Variants in RABEP1 observed in about 807,000 individuals in gnomAD.
RABEP1 encodes the protein rabaptin, RAB GTPase binding effector protein 1.
A neutral mutation model predicts 123.4 loss-of-function variants in RABEP1; 51 were observed. That is an observed-to-expected ratio of 0.41 (90% CI 0.33 to 0.52). RABEP1 has a LOEUF of 0.52. Ranked by LOEUF, RABEP1 falls within the 20% of genes least tolerant of loss-of-function variation. The pLI, the probability that RABEP1 is intolerant of heterozygous loss-of-function variation, is 0.16. For synonymous variants in RABEP1, 347 were observed against 355.2 expected (o/e 0.98, Z 0.26); for missense variants, 888 against 996.3 (o/e 0.89, Z 1.46).
At chr17:5,307,633 C>G (rs1185289628) in intron 1 of RABEP1, among the ~76,000 whole-genome samples, 6 of 152,068 alleles carry the variant, frequency 3.9e-5, no homozygotes, top group Non-Finnish European at 5.9e-5. Context: ...GCTGTTGGGG[C>G]AAAAGGGGAG....
chr17:5,360,446 C>T (rs1909409564), intron 8 of RABEP1, among the ~76,000 whole-genome samples: 1 of 152,212 alleles, frequency 6.6e-6, no homozygotes, highest in South Asian at 2.1e-4. Context: ...CCTGTAGTCC[C>T]AGCTACTTGG....
chr17:5,283,029 T>C (rs1173036302), intron 1 of RABEP1, among the ~76,000 whole-genome samples: 1 of 152,108 alleles, frequency 6.6e-6, no homozygotes, highest in African/African-American at 2.4e-5. Context: ...AATGGCAGTG[T>C]GGCTTAATGG....
rs576891717 is a variant in RABEP1, at chr17:5,383,504, T to G, written c.*281T>G. Reference sequence around the variant, plus strand: ...TGGTGATGGAAAAAGCGCTGTTTCCTTGCCTGCTTTCTCCAAGACAGATTT... The same window carrying G: ...TGGTGATGGAAAAAGCGCTGTTTCCGTGCCTGCTTTCTCCAAGACAGATTT... On this transcript the variant is annotated 3_prime_UTR_variant, in exon 18 of 18. Coordinates refer to ENST00000537505, the MANE Select transcript of RABEP1 (RefSeq NM_004703.6). 12 of 386,740 alleles carry G rather than the reference T, an allele frequency of 3.1e-5. No individual in the cohort carries two copies. The highest frequency in any genetic ancestry group is 2.4e-4 in the African/African-American group (12 of 49,978). 24.0% of individuals were successfully genotyped at this position (386,740 alleles called of 1,614,324 possible).
chr17:5,358,492 G>A (rs1236260840), intron 8 of RABEP1, among the ~76,000 whole-genome samples: 3 of 151,978 alleles, frequency 2.0e-5, no homozygotes, highest in East Asian at 3.9e-4. Flanking sequence ...CCAACATGGC[G>A]GAACTCATCC....
chr17:5,294,287 G>A (rs1041865751), intron 1 of RABEP1, among the ~76,000 whole-genome samples: 1 of 152,160 alleles, frequency 6.6e-6, no homozygotes, highest in African/African-American at 2.4e-5. Flanking sequence ...AGGAGGCTGA[G>A]GCAGGAGAAC....
At chr17:5,309,075 T>C (rs750643295) in intron 2 of RABEP1, among the ~76,000 whole-genome samples, 3 of 152,232 alleles carry the variant, frequency 2.0e-5, no homozygotes, top group Non-Finnish European at 2.9e-5. Flanking sequence ...GATAAGAGAA[T>C]GTTATTGCTC....
At chr17:5,316,937 C>A (rs771326352) in intron 2 of RABEP1, among the ~76,000 whole-genome samples, 2 of 150,978 alleles carry the variant, frequency 1.3e-5, no homozygotes, top group East Asian at 3.9e-4. Context: ...TGAAGTCTTG[C>A]TCTGTCACCC....
intron 8 of RABEP1, among the ~76,000 whole-genome samples, chr17:5,357,840 C>T (rs1393025467): frequency 2.0e-5 from 3 of 152,086 alleles, no homozygotes; most frequent in Admixed American, 6.6e-5. Flanking sequence ...GGAGCAGGAG[C>T]GAGAGAAAAG....
At chr17:5,313,321 A>G (rs2075263541) in intron 2 of RABEP1, among the ~76,000 whole-genome samples, 2 of 152,192 alleles carry the variant, frequency 1.3e-5, no homozygotes. Context: ...CAGCAGTATG[A>G]TGCTGGCTAA....
At chr17:5,339,860 C>G (rs187888612) in intron 5 of RABEP1, among the ~76,000 whole-genome samples, 1 of 151,816 alleles carries the variant, frequency 6.6e-6, no homozygotes, top group Non-Finnish European at 1.5e-5. Flanking sequence ...CATGTAAATT[C>G]GAACCAAAAG....
chr17:5,308,927 T>G (rs2075208300), intron 2 of RABEP1, 105 bp downstream of exon 2: 2 of 1,161,394 alleles, frequency 1.7e-6, no homozygotes, highest in Non-Finnish European at 2.4e-6. Context: ...CTTGATTTTA[T>G]TTGTACTTGC....
chr17:5,289,928 T>C (rs75757609), intron 1 of RABEP1, among the ~76,000 whole-genome samples: 3,189 of 152,274 alleles, frequency 0.021, 102 homozygotes, highest in East Asian at 0.12. Flanking sequence ...TGGCCTTTAA[T>C]TTTCATGTCT....
intron 5 of RABEP1, among the ~76,000 whole-genome samples, chr17:5,343,680 T>C (rs905628255): frequency 7.9e-4 from 113 of 143,036 alleles, no homozygotes; most frequent in African/African-American, 2.9e-3. Context: ...CTTTTTTTTT[T>C]TTTTTTTTTT....
chr17:5,309,374 G>A (rs1415958978), intron 2 of RABEP1, among the ~76,000 whole-genome samples: 1 of 152,148 alleles, frequency 6.6e-6, no homozygotes, highest in Non-Finnish European at 1.5e-5. Context: ...TGCAGGCTGG[G>A]CGCGGTGGCT....
chr17:5,367,433 G>C (rs553901252), intron 11 of RABEP1, among the ~76,000 whole-genome samples: 40 of 151,106 alleles, frequency 2.6e-4, no homozygotes, highest in African/African-American at 9.2e-4. Context: ...CACCACGCCC[G>C]GCTAATTTTT....
At position 5,335,166 on chromosome 17, in the gene RABEP1, T is replaced by C. The variant is rs1381987248; in HGVS notation, c.368-18T>C. 9 of 1,584,812 alleles carry C rather than the reference T, an allele frequency of 5.7e-6. No homozygotes were observed. The highest frequency in any genetic ancestry group is 7.7e-6 in the Non-Finnish European group (9 of 1,164,182). On this transcript the variant is annotated intron_variant, in intron 3 of 17. Coordinates refer to ENST00000537505, the MANE Select transcript of RABEP1 (RefSeq NM_004703.6). Reference sequence around the variant, plus strand: ...TTTCATAATGCTTAGATGTGAAATATGTGGTGATGTTTTGTAGAAACAGTT... The same window carrying C: ...TTTCATAATGCTTAGATGTGAAATACGTGGTGATGTTTTGTAGAAACAGTT...
intron 2 of RABEP1, among the ~76,000 whole-genome samples, chr17:5,325,590 T>C (rs772255828): frequency 6.6e-6 from 1 of 151,894 alleles, no homozygotes; most frequent in Non-Finnish European, 1.5e-5. Context: ...ATAGAAGAAA[T>C]AAGACCTAGT....
chr17:5,325,530 G>T (rs1440783606), intron 2 of RABEP1, among the ~76,000 whole-genome samples: 2 of 152,132 alleles, frequency 1.3e-5, no homozygotes, highest in East Asian at 1.9e-4. Context: ...GAAAGCGGGG[G>T]TCTGGGGAGA....
At chr17:5,300,791 C>A (rs776884935) in intron 1 of RABEP1, among the ~76,000 whole-genome samples, 32 of 152,150 alleles carry the variant, frequency 2.1e-4, no homozygotes, top group Non-Finnish European at 4.0e-4. Flanking sequence ...ACAATTTGTC[C>A]TGTCTGGTCT....
Sources: gnomAD v4.1 joint callset for allele counts (sites outside exome capture counted in the v4.1 genomes callset) on GRCh38, gnomAD v4.1.1 for gene constraint, MANE v1.5 for transcripts, NCBI Gene and HGNC (gene_info 2026-07-23, HGNC 2026-07-21) for gene names.